The following COPS2 variants were observed in gnomAD, a reference collection of about 807,000 sequenced individuals.
COPS2 encodes the protein COP9 signalosome subunit 2.
Under a neutral mutation model 66.1 loss-of-function variants are expected in COPS2, and 10 were observed. That is an observed-to-expected ratio of 0.15 (90% confidence interval 0.09 to 0.26). The LOEUF is 0.26. Ranked by LOEUF, COPS2 falls within the 10% of genes least tolerant of loss-of-function variation. COPS2 has a pLI of 1.00. For missense variants in COPS2, 215 were observed against 513.3 expected (o/e 0.42, Z 5.62); for synonymous variants, 179 against 171.3 (o/e 1.04, Z -0.35).
At chr15:49,138,037 A>C (rs868780134) in intron 4 of COPS2, among the ~76,000 whole-genome samples, 2 of 152,228 alleles carry the variant, frequency 1.3e-5, no homozygotes, top group African/African-American at 4.8e-5. Flanking sequence ...TCTTCTATAA[A>C]TATGACTAAG....
intron 9 of COPS2, among the ~76,000 whole-genome samples, chr15:49,132,204 C>T (rs903970656): frequency 2.0e-5 from 3 of 152,040 alleles, no homozygotes; most frequent in Admixed American, 6.6e-5. Flanking sequence ...AATAAACTAT[C>T]TGAAATAAAG....
At chr15:49,151,822 AAT>A in intron 1 of COPS2, among the ~76,000 whole-genome samples, 1 of 150,958 alleles carries the variant, frequency 6.6e-6, no homozygotes, top group African/African-American at 2.4e-5. Flanking sequence ...TTTTTTTTTA[AAT>A]AACAAGTTTG....
At chr15:49,153,273 A>C (rs954175325) in intron 1 of COPS2, among the ~76,000 whole-genome samples, 9 of 151,996 alleles carry the variant, frequency 5.9e-5, no homozygotes, top group Non-Finnish European at 1.3e-4. Flanking sequence ...AAATATATAC[A>C]TGTGTAAATA....
intron 3 of COPS2, among the ~76,000 whole-genome samples, chr15:49,143,846 C>T (rs1303950342): frequency 6.6e-6 from 1 of 151,982 alleles, no homozygotes; most frequent in Non-Finnish European, 1.5e-5. Context: ...ATTAGCTGGG[C>T]ATGGTGGCAT....
At chr15:49,154,536 G>C (rs929985317) in intron 1 of COPS2, among the ~76,000 whole-genome samples, 3 of 152,114 alleles carry the variant, frequency 2.0e-5, no homozygotes, top group Non-Finnish European at 4.4e-5. Flanking sequence ...AAATGAGTCA[G>C]ACGTCCCAAA....
intron 1 of COPS2, among the ~76,000 whole-genome samples, chr15:49,153,705 G>A (rs781244823): frequency 2.0e-5 from 3 of 152,200 alleles, no homozygotes; most frequent in Non-Finnish European, 2.9e-5. Flanking sequence ...AATATTATTT[G>A]ACTATAAAAA....
intron 3 of COPS2, among the ~76,000 whole-genome samples, chr15:49,142,414 A>C (rs902038532): frequency 1.3e-5 from 2 of 152,250 alleles, no homozygotes; most frequent in Non-Finnish European, 2.9e-5. Flanking sequence ...TACCTCAAAA[A>C]GAAGAGGTAC....
At chr15:49,153,204 T>G in intron 1 of COPS2, among the ~76,000 whole-genome samples, 1 of 152,154 alleles carries the variant, frequency 6.6e-6, no homozygotes, top group East Asian at 1.9e-4. Context: ...GGCGGGATGA[T>G]TGGTTGGGCC....
intron 1 of COPS2, 26 bp from the exon 2 acceptor site, chr15:49,145,104 A>G: frequency 8.1e-7 from 1 of 1,239,084 alleles, no homozygotes; most frequent in Non-Finnish European, 1.1e-6. Flanking sequence ...AGAAATATTA[A>G]AAGAAAAAAA....
intron 9 of COPS2, among the ~76,000 whole-genome samples, chr15:49,132,124 A>T (rs1221687621): frequency 6.6e-6 from 1 of 152,182 alleles, no homozygotes; most frequent in African/African-American, 2.4e-5. Context: ...TTAAAAGTGT[A>T]AACTGCTGCT....
intron 4 of COPS2, among the ~76,000 whole-genome samples, chr15:49,138,881 G>C (rs1039746860): frequency 3.3e-5 from 5 of 151,970 alleles, no homozygotes; most frequent in Non-Finnish European, 7.4e-5. Context: ...TAAAACTGAG[G>C]ACTATACTGC....
At chr15:49,131,402 T>C (rs1370964026) in intron 9 of COPS2, among the ~76,000 whole-genome samples, 2 of 151,576 alleles carry the variant, frequency 1.3e-5, no homozygotes, top group African/African-American at 4.9e-5. Context: ...TTTATATTCA[T>C]AATTCTCTGA....
intron 9 of COPS2, 47 bp from the exon 10 acceptor site, chr15:49,130,863 T>C (rs760019570): frequency 3.8e-6 from 4 of 1,047,088 alleles, no homozygotes; most frequent in East Asian, 2.4e-5. Context: ...GAAGAAGTTA[T>C]GTATTAAATC....
At position 49,134,350 on chromosome 15, in the gene COPS2, T is replaced by C. The variant is rs758746503; in HGVS notation, c.705A>G (p.Gly235=). The change falls in exon 7 of 13, where the codon GGA becomes GGG. Residue 235 remains glycine, a synonymous_variant. Coordinates refer to ENST00000388901, the MANE Select transcript of COPS2 (RefSeq NM_004236.4). ...CCAAACCAAACTTGCCTCTGATAAC[T>C]CCCATAATCAGTGGATGAGGGATGG... ...KSAIPHPLIM[G]VIRECGGKMH... is the part of the protein sequence containing the mutation. The C allele has an allele frequency of 5.6e-6, 9 of 1,612,748 alleles. No individual in the cohort carries two copies. In the East Asian group the frequency reaches 1.6e-4, roughly 28 times the overall value.
intron 11 of COPS2, 36 bp downstream of exon 11, chr15:49,129,441 A>T: frequency 1.1e-6 from 1 of 913,128 alleles, no homozygotes; most frequent in Non-Finnish European, 1.6e-6. Context: ...ATAACTATAA[A>T]TTATAAACAT....
intron 1 of COPS2, among the ~76,000 whole-genome samples, chr15:49,153,894 T>C (rs1235373397): frequency 6.6e-6 from 1 of 150,888 alleles, no homozygotes; most frequent in East Asian, 1.9e-4. Flanking sequence ...GGAAGAGGAG[T>C]GGGGAAGTAA....
At chr15:49,149,574 G>A (rs604765) in intron 1 of COPS2, among the ~76,000 whole-genome samples, 89,379 of 152,002 alleles carry the variant, frequency 0.59, 26,437 homozygotes, top group Middle Eastern at 0.67. Context: ...AACGCTTAGT[G>A]AGTGTTTGGT....
intron 2 of COPS2, among the ~76,000 whole-genome samples, chr15:49,144,565 A>AT (rs1265571111): frequency 1.3e-5 from 2 of 152,184 alleles, no homozygotes; most frequent in Non-Finnish European, 2.9e-5. Flanking sequence ...TTTCTGAAAT[A>AT]TTTTTTCCCC....
chr15:49,147,717 T>C (rs2084330293), intron 1 of COPS2, among the ~76,000 whole-genome samples: 1 of 108,786 alleles, frequency 9.2e-6, no homozygotes, highest in South Asian at 3.4e-4. Flanking sequence ...CTTTAGATGT[T>C]ACAACTCCAA....
Sources: allele counts gnomAD v4.1 joint callset (sites outside exome capture counted in the v4.1 genomes callset), GRCh38; gene constraint gnomAD v4.1.1; transcripts MANE v1.5; gene names NCBI Gene and HGNC (gene_info 2026-07-23, HGNC 2026-07-21).